The following FNDC3A variants were observed in gnomAD, a reference collection of about 807,000 sequenced individuals.
FNDC3A encodes fibronectin type-III domain-containing protein 3A.
In FNDC3A, 32 loss-of-function variants were observed where a neutral mutation model predicts 148.9. The observed-to-expected ratio is 0.21, with a 90% CI of 0.16 to 0.29. FNDC3A has a LOEUF of 0.29. FNDC3A is among the 10% of genes least tolerant of loss of function. The probability of loss-of-function intolerance (pLI) is 1.00; values close to 1 mark genes in which losing one functional copy is unlikely to be tolerated. For missense variants in FNDC3A, 1,191 were observed against 1,452.8 expected, an observed-to-expected ratio of 0.82 and a Z score of 2.93; for synonymous variants, 472 against 473.6, an observed-to-expected ratio of 1.00 and a Z score of 0.04.
chr13:49,119,809 G>A (rs750351308), intron 4 of FNDC3A, among the ~76,000 whole-genome samples: 2 of 151,886 alleles, frequency 1.3e-5, no homozygotes, highest in African/African-American at 2.4e-5. Flanking sequence ...GAAAATGAAC[G>A]AACAAAGCCT....
chr13:49,191,158 G>A (rs1232356146), intron 18 of FNDC3A, 38 bp downstream of exon 18: 2 of 1,604,390 alleles, frequency 1.2e-6, no homozygotes, highest in Middle Eastern at 1.7e-4. Flanking sequence ...AATTAAGCTA[G>A]AACAGGAAGT....
At chr13:49,085,376 T>G (rs1350583139) in intron 3 of FNDC3A, among the ~76,000 whole-genome samples, 4 of 152,176 alleles carry the variant, frequency 2.6e-5, no homozygotes, top group African/African-American at 9.7e-5. Context: ...CTTATGCCCA[T>G]AAGACATAAG....
chr13:49,204,840 T>C (rs952328348), intron 25 of FNDC3A, among the ~76,000 whole-genome samples: 7 of 152,198 alleles, frequency 4.6e-5, no homozygotes, highest in African/African-American at 1.4e-4. Context: ...AAATACAAAA[T>C]TGAAAACTTG....
intron 2 of FNDC3A, among the ~76,000 whole-genome samples, chr13:49,026,075 A>G (rs569993437): frequency 6.6e-6 from 1 of 152,366 alleles, no homozygotes; most frequent in East Asian, 1.9e-4. Flanking sequence ...ATGGAATACT[A>G]GAATACTATA....
At chr13:48,999,651 A>G (rs1309388431) in intron 1 of FNDC3A, among the ~76,000 whole-genome samples, 2 of 152,196 alleles carry the variant, frequency 1.3e-5, no homozygotes, top group Admixed American at 1.3e-4. Flanking sequence ...GAATTCATAT[A>G]TTGAACCCCT....
chr13:49,133,181 C>T (rs1882136588), intron 5 of FNDC3A, among the ~76,000 whole-genome samples: 1 of 152,010 alleles, frequency 6.6e-6, no homozygotes, highest in Non-Finnish European at 1.5e-5. Flanking sequence ...TCTAACAAGC[C>T]CCTAGGAGAT....
intron 25 of FNDC3A, among the ~76,000 whole-genome samples, chr13:49,206,385 GTTAT>G (rs1486342025): frequency 1.3e-5 from 2 of 150,518 alleles, no homozygotes; most frequent in African/African-American, 4.8e-5. Context: ...GCTTGTGGTA[GTTAT>G]TTATATCTCA....
At chr13:49,115,682 C>G (rs901084021) in intron 4 of FNDC3A, among the ~76,000 whole-genome samples, 1 of 152,190 alleles carries the variant, frequency 6.6e-6, no homozygotes, top group African/African-American at 2.4e-5. Flanking sequence ...GTCTCAGTGC[C>G]TTCATTATGA....
intron 1 of FNDC3A, among the ~76,000 whole-genome samples, chr13:48,993,956 C>T (rs1951971391): frequency 6.6e-6 from 1 of 152,128 alleles, no homozygotes; most frequent in African/African-American, 2.4e-5. Flanking sequence ...ATATAGAAAA[C>T]TGTGTTTCAC....
rs577392053 is a variant in FNDC3A, at chr13:49,202,026, A to G, written c.3154+60A>G. On this transcript the variant is annotated intron_variant, in intron 24 of 25. Transcript: ENST00000492622. The stretch of plus-strand genomic sequence containing the variant: ...ATAAATTACTTTTTAATGTATTTTC[A>G]TAAATGCTTTGTTTACTGATATTAA... The G allele has an allele frequency of 6.1e-4, 681 of 1,115,648 alleles. 2 individuals are homozygous for G. The African/African-American group carries it at 0.01, about 17-fold the overall frequency. The allele number at this position is 1,115,648 out of a possible 1,614,324, so 69.1% of individuals were successfully genotyped here. A position where few individuals can be genotyped will look rare whatever the true frequency, so the allele number is the denominator to read the frequency against.
At chr13:49,204,909 T>C (rs1886580522) in intron 25 of FNDC3A, among the ~76,000 whole-genome samples, 1 of 152,236 alleles carries the variant, frequency 6.6e-6, no homozygotes, top group Non-Finnish European at 1.5e-5. Context: ...ATCAGTGTCA[T>C]AGACACCAAT....
Position 49,175,381 on chromosome 13 carries a change from A to G in FNDC3A, c.1370A>G (p.Glu457Gly). Residue 457 changes from glutamate (E) to glycine (G), a missense_variant, in exon 13 of 26, where the codon GAA becomes GGA. By Grantham distance (98) the Glu-to-Gly change is moderately conservative (BLOSUM62 -2). Transcript: ENST00000492622. ...TGTTTCAACAGTGGTTTTAGTGAAG[A>G]AGTCTTATATTACACCTCAGGCTGT... is the stretch of plus-strand genomic sequence containing the variant. ...NDYGTSGFSE[E>G]VLYYTSGCAP... The G allele has an allele frequency of 1.3e-6, 2 of 1,568,066 alleles. No homozygotes were observed. Among genetic ancestry groups the G allele is most frequent in the Admixed American group, 1.9e-5 (1 of 51,432 alleles).
chr13:48,982,407 A>G (rs1951709609), intron 1 of FNDC3A, among the ~76,000 whole-genome samples: 1 of 152,028 alleles, frequency 6.6e-6, no homozygotes, highest in Admixed American at 6.6e-5. Context: ...TTGTTTCTTT[A>G]GTAACTATTA....
chr13:49,190,306 C>T (rs938314609), intron 17 of FNDC3A, among the ~76,000 whole-genome samples: 17 of 152,120 alleles, frequency 1.1e-4, no homozygotes, highest in African/African-American at 3.9e-4. Flanking sequence ...ACTGGAAAAG[C>T]TTACCTGATT....
intron 2 of FNDC3A, among the ~76,000 whole-genome samples, chr13:49,030,240 A>G (rs1012766317): frequency 1.3e-5 from 2 of 152,212 alleles, no homozygotes; most frequent in African/African-American, 4.8e-5. Flanking sequence ...AGTTGGTTCA[A>G]CATACATAGA....
At chr13:49,124,742 G>T (rs919086589) in intron 4 of FNDC3A, among the ~76,000 whole-genome samples, 3 of 152,164 alleles carry the variant, frequency 2.0e-5, no homozygotes, top group Non-Finnish European at 2.9e-5. Context: ...GTTATCAAAT[G>T]AGGAAATGAA....
intron 2 of FNDC3A, among the ~76,000 whole-genome samples, chr13:49,028,130 G>A (rs561654216): frequency 6.6e-5 from 10 of 152,004 alleles, no homozygotes; most frequent in South Asian, 2.1e-4. Context: ...CAGGAGAATC[G>A]CTTGAACCCC....
chr13:49,060,663 A>AAAAAAAC (rs1876612102), intron 2 of FNDC3A, among the ~76,000 whole-genome samples: 3 of 151,564 alleles, frequency 2.0e-5, no homozygotes, highest in South Asian at 4.2e-4. Flanking sequence ...AAAAAAAAAA[A>AAAAAAAC]AAAAAAGTGC....
At chr13:49,178,258 A>G (rs1885129187) in intron 13 of FNDC3A, among the ~76,000 whole-genome samples, 2 of 152,212 alleles carry the variant, frequency 1.3e-5, no homozygotes. Context: ...GGGATAGCTT[A>G]CTGATGGTGA....
Sources: allele counts gnomAD v4.1 joint callset (sites outside exome capture counted in the v4.1 genomes callset), GRCh38; gene constraint gnomAD v4.1.1; transcripts MANE v1.5; gene names NCBI Gene and HGNC (gene_info 2026-07-23, HGNC 2026-07-21).